Variants in PARVA observed in about 807,000 individuals in gnomAD.
The protein encoded by PARVA is alpha-parvin.
Under a neutral mutation model 52.6 loss-of-function variants are expected in PARVA, and 25 were observed. The ratio of observed to expected loss-of-function variants is 0.48; its 90% CI spans 0.35 to 0.66. The LOEUF (loss-of-function observed/expected upper bound fraction) is 0.66, where lower values mean the gene tolerates loss of function less well. PARVA is among the 30% of genes least tolerant of loss of function. The pLI, the probability that PARVA is intolerant of heterozygous loss-of-function variation, is 0.01. For missense variants in PARVA, 373 were observed against 450.9 expected, an observed-to-expected ratio of 0.83 and a Z score of 1.56; for synonymous variants, 185 against 179.1, an observed-to-expected ratio of 1.03 and a Z score of -0.26.
chr11:12,379,520 C>T (rs548304765), intron 1 of PARVA, among the ~76,000 whole-genome samples: 36 of 152,294 alleles, frequency 2.4e-4, no homozygotes, highest in African/African-American at 8.7e-4. Context: ...AACACTAGGT[C>T]TTCTTATATC....
rs1246857146 is a variant in PARVA, at chr11:12,496,454, T to C, written c.401-4T>C. 6.2e-7 allele frequency: 1 copy of C among 1,605,996 alleles called. No homozygotes were observed. The highest frequency in any genetic ancestry group is 8.5e-7 in the Non-Finnish European group (1 of 1,176,274). On this transcript the variant is annotated splice_polypyrimidine_tract_variant and splice_region_variant and intron_variant, in intron 4 of 12. Transcript: ENST00000334956. ...GCTGTTCTCTTTTCCCTTGTCACCC[T>C]CAGAGAAACTGGAGAGTGAGAAGCT...
chr11:12,414,334 G>A (rs1940034232), intron 1 of PARVA, among the ~76,000 whole-genome samples: 1 of 152,204 alleles, frequency 6.6e-6, no homozygotes, highest in African/African-American at 2.4e-5. Context: ...GACTTAGTTT[G>A]CTGAGTTTTA....
chr11:12,382,787 T>C (rs1939511858), intron 1 of PARVA, among the ~76,000 whole-genome samples: 1 of 152,268 alleles, frequency 6.6e-6, no homozygotes, highest in African/African-American at 2.4e-5. Flanking sequence ...ACTTAACCCC[T>C]GTAAGCCTCT....
At chr11:12,376,674 G>GT, upstream of PARVA, 1 of 950,140 alleles carries the variant, frequency 1.1e-6, no homozygotes, top group South Asian at 4.9e-5. Context: ...CCAAGGTGCT[G>GT]TGAGTCTGTG....
At chr11:12,409,860 G>A (rs775211962) in intron 1 of PARVA, among the ~76,000 whole-genome samples, 2 of 152,226 alleles carry the variant, frequency 1.3e-5, no homozygotes, top group Non-Finnish European at 1.5e-5. Context: ...ATTGTCAACT[G>A]CAGTTTAGTA....
In PARVA at chr11:12,377,630, G is replaced by T; in HGVS notation, c.-18G>T. On this transcript the variant is annotated 5_prime_UTR_variant, in exon 1 of 13. Coordinates refer to ENST00000334956, the MANE Select transcript of PARVA (RefSeq NM_018222.5). ...CAGCTCCGCGTCCCGACCGGCCCGC[G>T]GCAGCCTGCGCCGCGCCATGGCCAC... 1 of 1,564,774 alleles carries T rather than the reference G, an allele frequency of 6.4e-7. No homozygotes were observed. Among genetic ancestry groups the T allele is most frequent in the East Asian group, 2.6e-5 (1 of 38,644 alleles).
chr11:12,433,519 T>TG (rs200734938), intron 1 of PARVA, among the ~76,000 whole-genome samples: 1 of 152,174 alleles, frequency 6.6e-6, no homozygotes, highest in South Asian at 2.1e-4. Context: ...TTTTTGTTTT[T>TG]TGTTTTTTTA....
intron 1 of PARVA, among the ~76,000 whole-genome samples, chr11:12,469,004 T>C (rs1940894024): frequency 6.6e-6 from 1 of 152,152 alleles, no homozygotes; most frequent in Non-Finnish European, 1.5e-5. Flanking sequence ...ATAGCGGCTT[T>C]ACCTGGAGGC....
intron 1 of PARVA, among the ~76,000 whole-genome samples, chr11:12,419,122 A>AT (rs1298798023): frequency 2.0e-5 from 3 of 152,228 alleles, no homozygotes; most frequent in Non-Finnish European, 1.5e-5. Flanking sequence ...TCTTAAAAAA[A>AT]TTGTAGTAAA....
chr11:12,496,679 A>G (rs1374918777), intron 5 of PARVA, 81 bp downstream of exon 5: 2 of 1,443,222 alleles, frequency 1.4e-6, no homozygotes, highest in African/African-American at 1.4e-5. Flanking sequence ...AGCCATCCAT[A>G]AGCTTGGCAG....
At chr11:12,389,465 C>A (rs1939626198) in intron 1 of PARVA, among the ~76,000 whole-genome samples, 2 of 152,194 alleles carry the variant, frequency 1.3e-5, no homozygotes, top group Admixed American at 1.3e-4. Context: ...TCCCCACCTC[C>A]CAGCTTCTGA....
At chr11:12,475,018 G>A (rs971631721) in intron 3 of PARVA, among the ~76,000 whole-genome samples, 2 of 151,798 alleles carry the variant, frequency 1.3e-5, no homozygotes, top group African/African-American at 2.4e-5. Context: ...CTGAATACAC[G>A]GTTCCCCTGT....
chr11:12,387,994 C>T (rs1461824779), intron 1 of PARVA, among the ~76,000 whole-genome samples: 2 of 152,146 alleles, frequency 1.3e-5, no homozygotes, highest in African/African-American at 4.8e-5. Flanking sequence ...GTCTCATTCT[C>T]CCTCCCCTGC....
chr11:12,533,897 G>A lies in PARVA; in HGVS notation c.*5972G>A, dbSNP rs1285124953. Among the ~76,000 whole-genome samples, 4 of 151,990 alleles carry A rather than the reference G, an allele frequency of 2.6e-5. No homozygotes were observed. Among genetic ancestry groups the A allele is most frequent in the Non-Finnish European group, 4.4e-5 (3 of 67,998 alleles). On this transcript the variant is annotated 3_prime_UTR_variant, in exon 13 of 13. Coordinates refer to ENST00000334956, the MANE Select transcript of PARVA (RefSeq NM_018222.5). ...GAAAAAAAATCCATGGGCCGAGCAC[G>A]GTGGCTCACACCTGTAATCCCAGCA... is the stretch of plus-strand genomic sequence containing the variant.
At chr11:12,409,327 G>A (rs578218577) in intron 1 of PARVA, among the ~76,000 whole-genome samples, 1 of 152,194 alleles carries the variant, frequency 6.6e-6, no homozygotes, top group East Asian at 1.9e-4. Flanking sequence ...TTAAAATCTG[G>A]GGTTGTGGTA....
At chr11:12,381,388 A>T (rs969387212) in intron 1 of PARVA, among the ~76,000 whole-genome samples, 1 of 152,176 alleles carries the variant, frequency 6.6e-6, no homozygotes, top group Admixed American at 6.5e-5. Flanking sequence ...CAGTCTGTCC[A>T]CAGATTATCT....
intron 1 of PARVA, among the ~76,000 whole-genome samples, chr11:12,407,968 G>T (rs1939938426): frequency 6.6e-6 from 1 of 152,224 alleles, no homozygotes; most frequent in Non-Finnish European, 1.5e-5. Flanking sequence ...TCCTTTTAAA[G>T]AGGAAGTATA....
chr11:12,478,961 C>T (rs1449910604), intron 4 of PARVA: 1 of 152,292 alleles, frequency 6.6e-6, no homozygotes, highest in Non-Finnish European at 1.5e-5. Flanking sequence ...AGCATTCCAT[C>T]ATCCGATGAC....
intron 1 of PARVA, among the ~76,000 whole-genome samples, chr11:12,391,565 A>G (rs906336612): frequency 6.6e-6 from 1 of 152,194 alleles, no homozygotes; most frequent in African/African-American, 2.4e-5. Flanking sequence ...GTTGGTATCA[A>G]TGGGTTATCA....
Sources: allele counts gnomAD v4.1 joint callset (sites outside exome capture counted in the v4.1 genomes callset), GRCh38; gene constraint gnomAD v4.1.1; transcripts MANE v1.5; gene names NCBI Gene and HGNC (gene_info 2026-07-23, HGNC 2026-07-21).